EIF4G3: variants seen among roughly 807,000 people sequenced by gnomAD.
EIF4G3 encodes eukaryotic translation initiation factor 4 gamma 3, also known as eIF-4-gamma 3.
Under a neutral mutation model 186.4 loss-of-function variants are expected in EIF4G3, and 34 were observed. That is an observed-to-expected ratio of 0.18 (90% confidence interval 0.14 to 0.24). The LOEUF is 0.24. Among genes scored for constraint, EIF4G3 ranks in the 10% least tolerant of loss-of-function variants. The pLI, the probability that EIF4G3 is intolerant of heterozygous loss-of-function variation, is 1.00. For missense variants in EIF4G3, 1,536 were observed against 1,948.5 expected (o/e 0.79, Z 3.99); for synonymous variants, 673 against 679.5 (o/e 0.99, Z 0.15).
intron 3 of EIF4G3, among the ~76,000 whole-genome samples, chr1:21,057,106 T>C (rs1025292158): frequency 5.3e-5 from 8 of 152,224 alleles, no homozygotes; most frequent in African/African-American, 1.9e-4. Flanking sequence ...AATTTGGCAG[T>C]AGCTGGTAAG....
chr1:21,071,518 T>C (rs1223619003), intron 3 of EIF4G3, among the ~76,000 whole-genome samples: 1 of 152,140 alleles, frequency 6.6e-6, no homozygotes, highest in Non-Finnish European at 1.5e-5. Context: ...ACTACTACCA[T>C]CTGCAAAAAC....
Position 20,810,656 on chromosome 1 carries a change from C to T in EIF4G3, c.4744+82G>A, listed in dbSNP as rs1470360430. 9.5e-6 allele frequency: 14 copies of T among 1,468,094 alleles called. No homozygotes were observed. The highest frequency in any genetic ancestry group is 2.4e-5 in the South Asian group (2 of 83,804). The allele number at this position is 1,468,094 out of a possible 1,614,324, so 90.9% of individuals were successfully genotyped here. On this transcript the variant is annotated intron_variant, in intron 36 of 36. Transcript: ENST00000602326. The surrounding 1 kb of genome is among the most constrained non-coding windows in gnomAD (Gnocchi z 4.1). ...AGTGATTCTTTTATTGTCCTTTGTT[C>T]GAACCCTAAATCATCTCTAAGTCCT...
At chr1:21,111,342 C>A (rs771413705) in intron 2 of EIF4G3, 1 of 471,438 alleles carries the variant, frequency 2.1e-6, no homozygotes, top group South Asian at 1.5e-5. Flanking sequence ...ATGATGTGAT[C>A]GCTCCAAACT....
intron 10 of EIF4G3, among the ~76,000 whole-genome samples, chr1:20,974,182 C>T (rs934728290): frequency 2.0e-5 from 3 of 152,078 alleles, no homozygotes; most frequent in Admixed American, 2.0e-4. Flanking sequence ...GAAAGTGACA[C>T]AAATCTGGAG....
At chr1:21,055,670 C>A (rs949721800) in intron 3 of EIF4G3, among the ~76,000 whole-genome samples, 1 of 151,854 alleles carries the variant, frequency 6.6e-6, no homozygotes, top group Non-Finnish European at 1.5e-5. Context: ...GAAAATCTCA[C>A]CTCAAAAATT....
At chr1:21,028,486 C>T (rs962357015) in intron 4 of EIF4G3, among the ~76,000 whole-genome samples, 2 of 152,148 alleles carry the variant, frequency 1.3e-5, no homozygotes, top group Non-Finnish European at 2.9e-5. Context: ...GAGAAAGAGG[C>T]AGCTGAGATA....
At chr1:21,138,449 C>T (rs12729233) in intron 2 of EIF4G3, among the ~76,000 whole-genome samples, 4,183 of 152,230 alleles carry the variant, frequency 0.027, 89 homozygotes, top group Non-Finnish European at 0.038. Flanking sequence ...CCTCCTTCCC[C>T]AAACCAAGGA....
At position 21,023,301 on chromosome 1, in the gene EIF4G3, G is replaced by A. The variant is rs190658608; in HGVS notation, c.-66-20493C>T. On this transcript the variant is annotated intron_variant, in intron 4 of 36. Coordinates refer to ENST00000602326, the MANE Select transcript of EIF4G3 (RefSeq NM_001391906.1). Reference sequence around the variant, plus strand: ...CCCCACGGTCTCCCTCTCTTTCCACGTCTCCCTCTCATGCGGAGCCAAAGC... The same window carrying A: ...CCCCACGGTCTCCCTCTCTTTCCACATCTCCCTCTCATGCGGAGCCAAAGC... Among the ~76,000 whole-genome samples the A allele has an allele frequency of 1.3e-3, 157 of 118,526 alleles. 1 individual carries two copies. Among genetic ancestry groups the A allele is most frequent in the African/African-American group, 4.9e-3 (153 of 31,244 alleles). 77.8% of individuals were successfully genotyped at this position (118,526 alleles called of 152,430 possible).
chr1:21,085,854 C>T (rs924331385), intron 3 of EIF4G3, among the ~76,000 whole-genome samples: 11 of 152,022 alleles, frequency 7.2e-5, no homozygotes, highest in African/African-American at 1.7e-4. Flanking sequence ...CCACCACACC[C>T]GGCTAATTTT....
At chr1:20,911,560 CAAAAAAAAAA>C (rs60071144) in intron 14 of EIF4G3, among the ~76,000 whole-genome samples, 9 of 40,718 alleles carry the variant, frequency 2.2e-4, no homozygotes, top group Admixed American at 8.2e-4. Flanking sequence ...GACCCTGCCT[CAAAAAAAAAA>C]AAAAAAAAAA....
At chr1:20,904,855 T>C (rs202021199) in intron 15 of EIF4G3, 28 bp downstream of exon 15, 2 of 1,580,050 alleles carry the variant, frequency 1.3e-6, no homozygotes, top group Admixed American at 3.4e-5. Flanking sequence ...ACCACTGCTC[T>C]GAATATGAAC....
chr1:21,108,902 C>CAAAAAA (rs767728797), intron 2 of EIF4G3, among the ~76,000 whole-genome samples: 3 of 33,176 alleles, frequency 9.0e-5, no homozygotes, highest in South Asian at 9.4e-4. Context: ...GACTCCATCT[C>CAAAAAA]AAAAAAAAAA....
intron 4 of EIF4G3, 49 bp from the exon 5 acceptor site, chr1:21,002,857 T>G: frequency 9.5e-7 from 1 of 1,057,732 alleles, no homozygotes; most frequent in South Asian, 1.4e-5. Flanking sequence ...AAATATGGCA[T>G]GGCAATTCTA....
chr1:21,061,834 A>G (rs1377198578), intron 3 of EIF4G3, among the ~76,000 whole-genome samples: 1 of 146,204 alleles, frequency 6.8e-6, no homozygotes, highest in Non-Finnish European at 1.5e-5. Flanking sequence ...TGTAACCTTC[A>G]CCTCCTGGTT....
intron 35 of EIF4G3, among the ~76,000 whole-genome samples, chr1:20,811,367 C>T (rs958747614): frequency 3.3e-5 from 5 of 152,304 alleles, no homozygotes; most frequent in African/African-American, 1.2e-4. Flanking sequence ...TCTGCCTTGG[C>T]CTCCCAAAAT....
At chr1:21,002,222 C>G (rs1445054388) in intron 5 of EIF4G3, among the ~76,000 whole-genome samples, 1 of 152,206 alleles carries the variant, frequency 6.6e-6, no homozygotes, top group African/African-American at 2.4e-5. Context: ...AATGAATACA[C>G]TCACTGGTAT....
chr1:21,091,361 A>G (rs990712913), intron 2 of EIF4G3, among the ~76,000 whole-genome samples: 1 of 152,074 alleles, frequency 6.6e-6, no homozygotes, highest in East Asian at 1.9e-4. Context: ...GGGCTTTGCA[A>G]TGTTGCCCAG....
chr1:21,026,914 G>A (rs1479970911), intron 4 of EIF4G3, among the ~76,000 whole-genome samples: 2 of 142,796 alleles, frequency 1.4e-5, no homozygotes, highest in African/African-American at 2.6e-5. Flanking sequence ...TCCAGCCTGC[G>A]TGACAGAGGG....
chr1:21,134,615 G>C (rs930446261), intron 2 of EIF4G3, among the ~76,000 whole-genome samples: 1 of 152,178 alleles, frequency 6.6e-6, no homozygotes, highest in Non-Finnish European at 1.5e-5. Context: ...GTTGCAGTGA[G>C]CTGAGATCGC....
Sources: gnomAD v4.1 joint callset for allele counts (sites outside exome capture counted in the v4.1 genomes callset) on GRCh38, gnomAD v4.1.1 for gene constraint, Gnocchi (gnomAD v3.1) non-coding constraint, MANE v1.5 for transcripts, NCBI Gene and HGNC (gene_info 2026-07-23, HGNC 2026-07-21) for gene names.